DCAKD: variants seen among roughly 807,000 people sequenced by gnomAD.
DCAKD encodes dephospho-CoA kinase domain-containing protein.
Under a neutral mutation model 18.7 loss-of-function variants are expected in DCAKD, and 15 were observed. The observed-to-expected ratio is 0.80, with a 90% CI of 0.54 to 1.24. The LOEUF (loss-of-function observed/expected upper bound fraction) is 1.24. Ranked by LOEUF, DCAKD falls within the 50% of genes most tolerant of loss-of-function variation. The pLI, the probability that DCAKD is intolerant of heterozygous loss-of-function variation, is 0.00. For missense variants in DCAKD, 301 were observed against 322.0 expected (o/e 0.93, Z 0.50); for synonymous variants, 130 against 133.0 (o/e 0.98, Z 0.16).
chr17:45,033,717 G>C (rs185316174), intron 3 of DCAKD: 2 of 365,602 alleles, frequency 5.5e-6, no homozygotes, highest in Non-Finnish European at 8.5e-6. Context: ...TGCCTGCCTC[G>C]GCCTCCCAAA....
At chr17:45,051,250 T>C (rs895762491) in intron 1 of DCAKD, 111 bp downstream of exon 1, 4 of 152,224 alleles carry the variant, frequency 2.6e-5, no homozygotes, top group African/African-American at 9.6e-5. Context: ...TCTCCAGCCC[T>C]TTCTAGCTGT....
chr17:45,034,590 G>A (rs1469012923), intron 2 of DCAKD, among the ~76,000 whole-genome samples, 184 bp downstream of exon 2: 1 of 152,154 alleles, frequency 6.6e-6, no homozygotes, highest in Non-Finnish European at 1.5e-5. Flanking sequence ...GTACAGCTGG[G>A]GGGTTTCTAA....
intron 3 of DCAKD, 88 bp downstream of exon 3, chr17:45,034,099 C>T: frequency 1.9e-6 from 3 of 1,604,324 alleles, no homozygotes; most frequent in Non-Finnish European, 2.5e-6. Context: ...ATAACCAGCT[C>T]CCCTACCCTG....
At chr17:45,035,910 C>T (rs1386679151) in intron 1 of DCAKD, among the ~76,000 whole-genome samples, 2 of 152,214 alleles carry the variant, frequency 1.3e-5, no homozygotes, top group Non-Finnish European at 1.5e-5. Context: ...GCACAATCCT[C>T]TTGGCCCAGA....
At chr17:45,046,565 G>A (rs888965406) in intron 1 of DCAKD, among the ~76,000 whole-genome samples, 10 of 140,642 alleles carry the variant, frequency 7.1e-5, no homozygotes, top group Non-Finnish European at 1.2e-4. Context: ...GCAGTGAGCC[G>A]AGATCGTGCC....
chr17:45,024,553 C>T lies in DCAKD; in HGVS notation c.576G>A (p.Leu192=). The T allele has an allele frequency of 6.2e-7, 1 of 1,614,112 alleles. No individual in the cohort carries two copies. Among genetic ancestry groups the T allele is most frequent in the South Asian group, 1.1e-5 (1 of 91,076 alleles). ...WSVTKRQVIL[L]HTELERSLEY... is the part of the protein sequence containing the mutation. ...CCAGGGAGCGCTCCAGCTCAGTGTGCAAGAGGATGACCTGGCGTTTGGTGA... is the reference window on the plus strand; with the variant it reads ...CCAGGGAGCGCTCCAGCTCAGTGTGTAAGAGGATGACCTGGCGTTTGGTGA... Residue 192 remains leucine, a synonymous_variant, in exon 5 of 5, where the codon TTG becomes TTA. Transcript: ENST00000651974.
intron 1 of DCAKD, 124 bp from the exon 2 acceptor site, chr17:45,035,123 G>A: frequency 2.0e-6 from 1 of 494,746 alleles, no homozygotes; most frequent in Non-Finnish European, 3.7e-6. Flanking sequence ...GGGGTGCTCT[G>A]GGGCCATCTG....
intron 1 of DCAKD, among the ~76,000 whole-genome samples, chr17:45,047,132 A>G (rs931119477): frequency 5.6e-5 from 1 of 17,896 alleles, no homozygotes; most frequent in Non-Finnish European, 1.1e-4. Context: ...GATATTGCTG[A>G]AAAAAAAAAA....
At chr17:45,034,479 A>G (rs1032154831) in intron 2 of DCAKD, 89 bp from the exon 3 acceptor site, 17 of 1,449,944 alleles carry the variant, frequency 1.2e-5, no homozygotes, top group Non-Finnish European at 1.5e-5. Flanking sequence ...TGATGGGGGA[A>G]CTCGGGTGCT....
At chr17:45,030,905 C>T (rs549342885) in intron 3 of DCAKD, 1 of 924,716 alleles carries the variant, frequency 1.1e-6, no homozygotes, top group South Asian at 5.0e-5. Flanking sequence ...GACCTCCCAC[C>T]ACAAGCCAAG....
intron 1 of DCAKD, among the ~76,000 whole-genome samples, chr17:45,035,939 G>A (rs950077342): frequency 3.3e-5 from 5 of 152,196 alleles, no homozygotes; most frequent in African/African-American, 1.2e-4. Flanking sequence ...TGAGCCGCAA[G>A]CAGTGGCTCG....
rs1180056946 is a variant in DCAKD at position 45,026,218 on chromosome 17, C to CTTT, written c.405-1497_405-1495dup. The stretch of plus-strand genomic sequence containing the variant: ...ACAGGCATAAGCCACCGCGCCTGGA[C>CTTT]TTTTTTTTTTTTTTTTTTTCTTTTT... On this transcript the variant is annotated intron_variant, in intron 4 of 4. Coordinates refer to ENST00000651974, the MANE Select transcript of DCAKD (RefSeq NM_001288655.2). Among the ~76,000 whole-genome samples the CTTT allele has an allele frequency of 1.8e-4, 20 of 109,166 alleles. 2 individuals are homozygous for CTTT. The highest frequency in any genetic ancestry group is 2.8e-4 in the Non-Finnish European group (15 of 53,254). The allele number at this position is 109,166 out of a possible 152,430, so 71.6% of individuals were successfully genotyped here. A position where few individuals can be genotyped will look rare whatever the true frequency, so the allele number is the denominator to read the frequency against.
intron 3 of DCAKD, chr17:45,031,538 C>G (rs1597947666): frequency 1.0e-6 from 1 of 985,368 alleles, no homozygotes; most frequent in Non-Finnish European, 1.2e-6. Context: ...CTAGGTGCCC[C>G]AAAATGATAG....
At chr17:45,031,313 G>A in intron 3 of DCAKD, 1 of 985,338 alleles carries the variant, frequency 1.0e-6, no homozygotes, top group African/African-American at 1.7e-5. Flanking sequence ...GAAGCCCACA[G>A]TTGAACAAGG....
chr17:45,058,449 C>T (rs1031187212), intron 1 of DCAKD, among the ~76,000 whole-genome samples: 3 of 150,904 alleles, frequency 2.0e-5, no homozygotes, highest in Admixed American at 2.0e-4. Context: ...AGACAGAGTC[C>T]CACTTTGTCA....
At chr17:45,030,642 CAAACA>C (rs1320407709) in intron 3 of DCAKD, among the ~76,000 whole-genome samples, 7 of 152,208 alleles carry the variant, frequency 4.6e-5, no homozygotes, top group Non-Finnish European at 8.8e-5. Context: ...AACAAACAAA[CAAACA>C]AAACACCCAA....
At chr17:45,028,542 T>C (rs2053106885) in intron 4 of DCAKD, among the ~76,000 whole-genome samples, 1 of 151,308 alleles carries the variant, frequency 6.6e-6, no homozygotes, top group Non-Finnish European at 1.5e-5. Flanking sequence ...CCCAAGTAGC[T>C]GGGATTACAG....
intron 1 of DCAKD, among the ~76,000 whole-genome samples, chr17:45,040,094 C>CA (rs141592523): frequency 0.23 from 32,018 of 137,264 alleles, 3,940 homozygotes; most frequent in African/African-American, 0.34. Flanking sequence ...GACTCCATCT[C>CA]AAAAAAAAAA....
chr17:45,032,497 T>TC (rs1367592397), intron 3 of DCAKD, among the ~76,000 whole-genome samples: 1 of 151,532 alleles, frequency 6.6e-6, no homozygotes, highest in Admixed American at 6.6e-5. Context: ...TGTAAAAGGC[T>TC]CCCCCAGCCA....
Sources: allele counts gnomAD v4.1 joint callset (sites outside exome capture counted in the v4.1 genomes callset), GRCh38; gene constraint gnomAD v4.1.1; transcripts MANE v1.5; gene names NCBI Gene and HGNC (gene_info 2026-07-23, HGNC 2026-07-21).